The following CCDC134 variants were observed in gnomAD, a reference collection of about 807,000 sequenced individuals.
CCDC134 encodes coiled-coil domain containing 134.
Under a neutral mutation model 25.6 loss-of-function variants are expected in CCDC134, and 27 were observed. The observed-to-expected ratio is 1.05, with a 90% confidence interval of 0.78 to 1.45. CCDC134 has a LOEUF of 1.45. Ranked by LOEUF, CCDC134 falls within the 40% of genes most tolerant of loss-of-function variation. The pLI, the probability that CCDC134 is intolerant of heterozygous loss-of-function variation, is 0.00. For synonymous variants in CCDC134, 110 were observed against 115.0 expected (o/e 0.96, Z 0.28); for missense variants, 261 against 286.7 (o/e 0.91, Z 0.65).
Position 41,825,586 on chromosome 22 carries a change from C to G in CCDC134, c.565-112C>G. ...CCATTTCCTGTCTCCGTGTCTGGGG[C>G]AGGGCCTGTGTCCAGGGAACCTTCC... is the stretch of plus-strand genomic sequence containing the variant. On this transcript the variant is annotated intron_variant, in intron 6 of 6. Transcript: ENST00000255784. The surrounding 1 kb of genome is among the most constrained non-coding windows in gnomAD (Gnocchi z 4.4). 1 of 1,367,486 alleles carries G rather than the reference C, an allele frequency of 7.3e-7. No individual in the cohort carries two copies. The highest frequency in any genetic ancestry group is 1.0e-6 in the Non-Finnish European group (1 of 993,430). 84.7% of individuals were successfully genotyped at this position (1,367,486 alleles called of 1,614,324 possible). A position where few individuals can be genotyped will look rare whatever the true frequency, so the allele number is the denominator to read the frequency against.
intron 1 of CCDC134, among the ~76,000 whole-genome samples, chr22:41,801,297 C>G (rs2076542348): frequency 6.6e-6 from 1 of 152,064 alleles, no homozygotes; most frequent in Non-Finnish European, 1.5e-5. Context: ...TTTCACTTAT[C>G]TCGTCTGCTT....
chr22:41,820,805 CAAG>C (rs997127199), intron 6 of CCDC134, among the ~76,000 whole-genome samples: 2 of 151,890 alleles, frequency 1.3e-5, no homozygotes, highest in Admixed American at 6.6e-5. Flanking sequence ...GTAAAGATGT[CAAG>C]GAGGTAGCTG....
chr22:41,825,082 T>C lies in CCDC134; in HGVS notation c.565-616T>C, dbSNP rs534524434. Among the ~76,000 whole-genome samples, 15 of 152,160 alleles carry C rather than the reference T, an allele frequency of 9.9e-5. No individual in the cohort carries two copies. Among genetic ancestry groups the C allele is most frequent in the African/African-American group, 3.1e-4 (13 of 41,494 alleles). ...GGAACCATACTGAGTCTAGGGTGCA[T>C]TTGGGACATCCTAAAGGAGGTCTCA... On this transcript the variant is annotated intron_variant, in intron 6 of 6. Transcript: ENST00000255784. The surrounding 1 kb of genome is among the most constrained non-coding windows in gnomAD (Gnocchi z 4.4).
Position 41,829,070 on chromosome 22 carries a change from G to A in CCDC134, c.*3247G>A, listed in dbSNP as rs1348836147. ...TTGTAGGCTATTTTAGCAGCATCCC[G>A]GCCTCTCCCTGCCAGGTGCCTGTAG... On this transcript the variant is annotated 3_prime_UTR_variant, in exon 7 of 7. Coordinates refer to ENST00000255784, the MANE Select transcript of CCDC134 (RefSeq NM_024821.5). Among the ~76,000 whole-genome samples the A allele has an allele frequency of 6.6e-6, 1 of 152,132 alleles. No homozygotes were observed. Among genetic ancestry groups the A allele is most frequent in the African/African-American group, 2.4e-5 (1 of 41,420 alleles).
At chr22:41,804,586 G>T (rs769284755) in intron 1 of CCDC134, among the ~76,000 whole-genome samples, 9 of 152,152 alleles carry the variant, frequency 5.9e-5, no homozygotes, top group Non-Finnish European at 1.3e-4. Context: ...AGGCTAGGAA[G>T]CAAAACCAAG....
intron 4 of CCDC134, among the ~76,000 whole-genome samples, chr22:41,810,648 G>A (rs1006388930): frequency 3.3e-5 from 5 of 151,410 alleles, no homozygotes; most frequent in African/African-American, 9.7e-5. Flanking sequence ...GGCACATGCC[G>A]CCACACCCAG....
intron 4 of CCDC134, among the ~76,000 whole-genome samples, chr22:41,812,407 G>A (rs1408373013): frequency 1.5e-5 from 2 of 131,256 alleles, no homozygotes. Context: ...GGACAAGAAA[G>A]CGAGACTCCG....
chr22:41,811,814 C>T (rs1328229346), intron 4 of CCDC134, among the ~76,000 whole-genome samples: 2 of 152,162 alleles, frequency 1.3e-5, no homozygotes, highest in Non-Finnish European at 2.9e-5. Context: ...CTTGTGACCA[C>T]TGGGGAAGTT....
chr22:41,809,821 C>T, intron 2 of CCDC134, 58 bp from the exon 3 acceptor site: 1 of 1,606,070 alleles, frequency 6.2e-7, no homozygotes, highest in Non-Finnish European at 8.5e-7. Flanking sequence ...TGAGGCAAGA[C>T]TGCTGGATTG....
chr22:41,804,868 G>A (rs560885664), intron 1 of CCDC134, among the ~76,000 whole-genome samples: 2 of 152,102 alleles, frequency 1.3e-5, no homozygotes, highest in South Asian at 4.1e-4. Flanking sequence ...CCAGGAGTTC[G>A]AGACCAGCCT....
chr22:41,822,368 TCA>T (rs2076656549), intron 6 of CCDC134, among the ~76,000 whole-genome samples: 1 of 152,168 alleles, frequency 6.6e-6, no homozygotes, highest in South Asian at 2.1e-4. Context: ...ACCTGAGGTC[TCA>T]CAGCCAGTAA....
chr22:41,805,970 G>A (rs2076565486), intron 1 of CCDC134, among the ~76,000 whole-genome samples: 1 of 152,058 alleles, frequency 6.6e-6, no homozygotes, highest in Non-Finnish European at 1.5e-5. Flanking sequence ...GTTTTTAATT[G>A]AGTTCTGTTT....
chr22:41,825,750 GC>G lies in CCDC134; in HGVS notation c.619del (p.Arg207GlufsTer76). 1.2e-6 allele frequency: 2 copies of G among 1,614,164 alleles called. No homozygotes were observed. The highest frequency in any genetic ancestry group is 1.6e-4 in the Middle Eastern group (1 of 6,062). ...FQKALREEEK[R>X]RKKEEKRKEI... Reference sequence around the variant, plus strand: ...AAGGCCCTGAGAGAAGAAGAGAAACGCCGAAAGAAAGAGGAGAAGCGGAAGG... The same window carrying G: ...AAGGCCCTGAGAGAAGAAGAGAAACGCGAAAGAAAGAGGAGAAGCGGAAGG... On this transcript the variant is annotated frameshift_variant, in exon 7 of 7. Coordinates refer to ENST00000255784, the MANE Select transcript of CCDC134 (RefSeq NM_024821.5). LOFTEE classifies it high-confidence loss of function. The surrounding 1 kb of genome is among the most constrained non-coding windows in gnomAD (Gnocchi z 4.4).
chr22:41,832,157 G>A lies in CCDC134; in HGVS notation c.*6334G>A, dbSNP rs1463532460. 6.6e-6 allele frequency: 1 copy of A among 152,166 alleles called. No homozygotes were observed. Among genetic ancestry groups the A allele is most frequent in the African/African-American group, 2.4e-5 (1 of 41,414 alleles). The allele number at this position is 152,166 out of a possible 1,614,324, so 9.4% of individuals were successfully genotyped here. A position where few individuals can be genotyped will look rare whatever the true frequency, so the allele number is the denominator to read the frequency against. ...TTCTTGCTAATAAATATACATTTGT[G>A]TGCGTAATTTTTAATGATCCCATGG... On this transcript the variant is annotated 3_prime_UTR_variant, in exon 7 of 7. Transcript: ENST00000255784.
chr22:41,812,381 C>T (rs2076600671), intron 4 of CCDC134, among the ~76,000 whole-genome samples: 2 of 145,530 alleles, frequency 1.4e-5, no homozygotes, highest in South Asian at 4.2e-4. Context: ...AAAATCATGC[C>T]ACTGCACTCC....
chr22:41,825,819 T>C lies in CCDC134; in HGVS notation c.686T>C (p.Leu229Ser). 1.2e-6 allele frequency: 2 copies of C among 1,614,002 alleles called. No individual in the cohort carries two copies. Among genetic ancestry groups the C allele is most frequent in the East Asian group, 2.2e-5 (1 of 44,874 alleles). ...GPRISRSQSE[L>S] ...AGGATCTCCAGATCCCAGTCTGAGTTATAGCCCTGGAGCAGCTCAGGGCTC... is the reference window on the plus strand; with the variant it reads ...AGGATCTCCAGATCCCAGTCTGAGTCATAGCCCTGGAGCAGCTCAGGGCTC... Residue 229 changes from leucine (L) to serine (S), a missense_variant, in exon 7 of 7, where the codon TTA (leucine) becomes TCA (serine). Coordinates refer to ENST00000255784, the MANE Select transcript of CCDC134 (RefSeq NM_024821.5). The surrounding 1 kb of genome is among the most constrained non-coding windows in gnomAD (Gnocchi z 4.4).
intron 3 of CCDC134, 78 bp from the exon 4 acceptor site, chr22:41,810,129 G>A (rs2076587443): frequency 6.3e-7 from 1 of 1,591,632 alleles, no homozygotes; most frequent in Non-Finnish European, 8.6e-7. Context: ...GACTTGAAGT[G>A]GGGTTTAAAT....
chr22:41,813,690 ACT>A (rs758236143), intron 5 of CCDC134, 59 bp from the exon 6 acceptor site: 34 of 1,529,868 alleles, frequency 2.2e-5, no homozygotes, highest in Non-Finnish European at 2.9e-5. Context: ...GGAAGGAATG[ACT>A]CTCTGGTGAG....
intron 6 of CCDC134, among the ~76,000 whole-genome samples, chr22:41,818,536 T>C (rs1602242882): frequency 6.6e-6 from 1 of 152,370 alleles, no homozygotes; most frequent in African/African-American, 2.4e-5. Flanking sequence ...TTGACTCTTT[T>C]CTGTACAACA....
Sources: gnomAD v4.1 joint callset for allele counts (sites outside exome capture counted in the v4.1 genomes callset) on GRCh38, gnomAD v4.1.1 for gene constraint, Gnocchi (gnomAD v3.1) non-coding constraint, MANE v1.5 for transcripts, NCBI Gene and HGNC (gene_info 2026-07-23, HGNC 2026-07-21) for gene names.